Variants in ESR1 observed in about 807,000 individuals in gnomAD.
The protein encoded by ESR1 is estrogen receptor 1, also known as estrogen receptor.
ESR1 carries 12 observed loss-of-function variants against 52.7 expected under a neutral mutation model. That is an observed-to-expected ratio of 0.23 (90% CI 0.15 to 0.37). ESR1 has a LOEUF of 0.37. Among genes scored for constraint, ESR1 ranks in the 10% least tolerant of loss-of-function variants. The pLI is 1.00. For missense variants in ESR1, 584 were observed against 779.7 expected (o/e 0.75, Z 2.99); for synonymous variants, 305 against 316.8 (o/e 0.96, Z 0.39).
At chr6:151,981,067 G>GA (rs1463381721) in intron 4 of ESR1, among the ~76,000 whole-genome samples, 3 of 152,180 alleles carry the variant, frequency 2.0e-5, no homozygotes, top group East Asian at 3.9e-4. Context: ...CCAATGATTA[G>GA]AAAAAAATGA....
intron 1 of ESR1, among the ~76,000 whole-genome samples, chr6:151,835,538 C>T (rs902882897): frequency 4.6e-5 from 7 of 152,150 alleles, no homozygotes; most frequent in Non-Finnish European, 8.8e-5. Context: ...GAAGGTGTTA[C>T]GTATCTAAGA....
chr6:151,778,211 A>G, intron 2 of ESR1, among the ~76,000 whole-genome samples: 1 of 152,118 alleles, frequency 6.6e-6, no homozygotes, highest in South Asian at 2.1e-4. Context: ...ATTCACAGGG[A>G]TAGAAAGGTG....
At chr6:152,044,439 A>G (rs551084577) in intron 5 of ESR1, among the ~76,000 whole-genome samples, 120 of 152,340 alleles carry the variant, frequency 7.9e-4, no homozygotes, top group Non-Finnish European at 1.4e-3. Context: ...TGAGATGTAT[A>G]TATAAAAGGC....
At chr6:152,106,532 G>T (rs1381513327), downstream of ESR1, among the ~76,000 whole-genome samples, 3 of 152,022 alleles carry the variant, frequency 2.0e-5, no homozygotes, top group Non-Finnish European at 4.4e-5. Flanking sequence ...TAGTTTTTTT[G>T]AATGTGGAAT....
chr6:152,103,903 G>A (rs536850008), downstream of ESR1, among the ~76,000 whole-genome samples: 1 of 150,750 alleles, frequency 6.6e-6, no homozygotes, highest in South Asian at 2.1e-4. Flanking sequence ...GAGGGGGTGG[G>A]TATAGGACTT....
intron 5 of ESR1, among the ~76,000 whole-genome samples, chr6:152,052,719 T>G (rs2046786905): frequency 6.6e-6 from 1 of 151,960 alleles, no homozygotes; most frequent in Non-Finnish European, 1.5e-5. Context: ...CTGGACCCAA[T>G]CTGTGCCTTG....
intron 6 of ESR1, among the ~76,000 whole-genome samples, chr6:152,113,385 G>A (rs908190960): frequency 6.6e-6 from 1 of 152,172 alleles, no homozygotes; most frequent in Admixed American, 6.5e-5. Flanking sequence ...GGGGCGGGGG[G>A]CACCTGGAAA....
At position 151,718,737 on chromosome 6, in the gene ESR1, A is replaced by C. The variant is rs527236857; in HGVS notation, c.-71+16732A>C. Among the ~76,000 whole-genome samples the C allele has an allele frequency of 7.7e-4, 118 of 152,302 alleles. 1 individual carries two copies. Among genetic ancestry groups the C allele is most frequent in the African/African-American group, 2.7e-3 (113 of 41,552 alleles). On this transcript the variant is annotated intron_variant, in intron 2 of 2. Coordinates refer to the ESR1 transcript ENST00000404742. Reference sequence around the variant, plus strand: ...ATATCTTTTAGTTAGTTTCAATTTCATCAAGGGAAAAGGAGAGCAGAGTAG... The same window carrying C: ...ATATCTTTTAGTTAGTTTCAATTTCCTCAAGGGAAAAGGAGAGCAGAGTAG...
chr6:151,681,148 T>C, intron 1 of ESR1, among the ~76,000 whole-genome samples: 1 of 152,232 alleles, frequency 6.6e-6, no homozygotes, highest in East Asian at 1.9e-4. Context: ...CCTACCTCTC[T>C]GGTCCCCAGC....
chr6:151,864,548 C>G (rs1433720252), intron 2 of ESR1, among the ~76,000 whole-genome samples: 16 of 151,898 alleles, frequency 1.1e-4, no homozygotes, highest in East Asian at 1.9e-4. Context: ...CAGGGATCTA[C>G]AACTAGAAAT....
At chr6:152,116,378 G>A (rs1373092655) in intron 6 of ESR1, among the ~76,000 whole-genome samples, 1 of 152,094 alleles carries the variant, frequency 6.6e-6, no homozygotes, top group Non-Finnish European at 1.5e-5. Context: ...TGAGGATGAT[G>A]GCACAGGTAC....
intron 5 of ESR1, among the ~76,000 whole-genome samples, chr6:152,049,259 C>G (rs532820136): frequency 8.5e-5 from 13 of 152,312 alleles, no homozygotes; most frequent in African/African-American, 3.1e-4. Flanking sequence ...CAACTCTAAC[C>G]TCCTTTCTTA....
chr6:151,991,327 C>T (rs1218687904), intron 4 of ESR1, among the ~76,000 whole-genome samples: 1 of 151,968 alleles, frequency 6.6e-6, no homozygotes, highest in East Asian at 1.9e-4. Context: ...AATTTGGTTT[C>T]GCATTTTATT....
At chr6:151,962,406 G>T (rs1343124002) in intron 4 of ESR1, among the ~76,000 whole-genome samples, 2 of 152,092 alleles carry the variant, frequency 1.3e-5, no homozygotes, top group Admixed American at 6.5e-5. Context: ...TTTCCACTCT[G>T]CCATCCCCCA....
chr6:152,086,928 G>A (rs1431966483), intron 6 of ESR1, among the ~76,000 whole-genome samples: 1 of 152,134 alleles, frequency 6.6e-6, no homozygotes, highest in Admixed American at 6.5e-5. Flanking sequence ...TCAGGAGAAG[G>A]ATGGAAGTTT....
intron 1 of ESR1, among the ~76,000 whole-genome samples, chr6:151,659,084 GCTCACCGCAACCTCCGC>G (rs1777550768): frequency 6.6e-6 from 1 of 152,048 alleles, no homozygotes; most frequent in East Asian, 1.9e-4. Flanking sequence ...TGTGATCTCG[GCTCACCGCAACCTCCGC>G]CTCCTGGGTT....
At chr6:151,839,190 A>T (rs75075473) in intron 1 of ESR1, among the ~76,000 whole-genome samples, 2,389 of 152,254 alleles carry the variant, frequency 0.016, 57 homozygotes, top group African/African-American at 0.055. Flanking sequence ...GAGAAATAAA[A>T]AAATCTTCTA....
intron 2 of ESR1, among the ~76,000 whole-genome samples, chr6:151,767,056 TA>T (rs1785114241): frequency 6.6e-6 from 1 of 152,204 alleles, no homozygotes; most frequent in South Asian, 2.1e-4. Context: ...TAGAATCTTT[TA>T]CACCACGTAT....
chr6:151,777,378 C>G (rs1413665778), intron 2 of ESR1, among the ~76,000 whole-genome samples: 1 of 151,980 alleles, frequency 6.6e-6, no homozygotes, highest in Non-Finnish European at 1.5e-5. Context: ...CTCAGCCTCC[C>G]AAAGTGCTGA....
Sources: gnomAD v4.1 joint callset for allele counts (sites outside exome capture counted in the v4.1 genomes callset) on GRCh38, gnomAD v4.1.1 for gene constraint, MANE v1.5 for transcripts, NCBI Gene and HGNC (gene_info 2026-07-23, HGNC 2026-07-21) for gene names.